C9: variants seen among roughly 807,000 people sequenced by gnomAD.
The protein encoded by C9 is complement C9.
In C9, 63 loss-of-function variants were observed where a neutral mutation model predicts 65.4. The ratio of observed to expected loss-of-function variants is 0.96; its 90% CI spans 0.79 to 1.19. The LOEUF is 1.19. Among genes scored for constraint, C9 ranks in the 50% most tolerant of loss-of-function variants. C9 has a pLI of 0.00. For missense variants in C9, 744 were observed against 670.1 expected (o/e 1.11, Z -1.22); for synonymous variants, 229 against 227.9 (o/e 1.00, Z -0.04).
intron 5 of C9, among the ~76,000 whole-genome samples, chr5:39,320,234 CTACATGAGAA>C (rs1753643055): frequency 6.6e-6 from 1 of 151,666 alleles, no homozygotes; most frequent in Non-Finnish European, 1.5e-5. Flanking sequence ...GCTCAGTGAG[CTACATGAGAA>C]TACAGACAGA....
chr5:39,297,011 C>A (rs1753196610), intron 9 of C9, among the ~76,000 whole-genome samples: 1 of 151,318 alleles, frequency 6.6e-6, no homozygotes, highest in Non-Finnish European at 1.5e-5. Context: ...TGGGAAAGAG[C>A]ATACTGAAAG....
chr5:39,344,400 T>C (rs1462867831), intron 1 of C9, among the ~76,000 whole-genome samples: 5 of 152,140 alleles, frequency 3.3e-5, no homozygotes, highest in Non-Finnish European at 7.3e-5. Flanking sequence ...GCTGATTCGA[T>C]CAACTGGAAG....
intron 5 of C9, among the ~76,000 whole-genome samples, chr5:39,319,484 C>T (rs1198500766): frequency 6.6e-6 from 1 of 152,130 alleles, no homozygotes; most frequent in East Asian, 1.9e-4. Flanking sequence ...ATTTTACTTG[C>T]AGACTAAGAC....
In C9 at chr5:39,311,094, G is replaced by A. The variant is rs1753473921; in HGVS notation, c.1111+43C>T. Reference sequence around the variant, plus strand: ...AGGTTGGTGAACAAAATAATGTTTGGTCAAAACAGTATTTGAAGTCAGAGC... The same window carrying A: ...AGGTTGGTGAACAAAATAATGTTTGATCAAAACAGTATTTGAAGTCAGAGC... On this transcript the variant is annotated intron_variant, in intron 7 of 10. Coordinates refer to ENST00000263408, the MANE Select transcript of C9 (RefSeq NM_001737.5). 6.2e-6 allele frequency: 10 copies of A among 1,604,340 alleles called. No homozygotes were observed. The East Asian group carries it at 2.2e-4, about 36-fold the overall frequency.
chr5:39,296,559 C>T (rs1753189228), intron 9 of C9, among the ~76,000 whole-genome samples: 1 of 151,456 alleles, frequency 6.6e-6, no homozygotes, highest in African/African-American at 2.4e-5. Flanking sequence ...AAACTATAAA[C>T]ACAATTATCA....
At chr5:39,362,050 A>G (rs1279991507) in intron 1 of C9, among the ~76,000 whole-genome samples, 1 of 152,188 alleles carries the variant, frequency 6.6e-6, no homozygotes, top group Non-Finnish European at 1.5e-5. Flanking sequence ...TCATAAGGAC[A>G]TTACATGTAT....
At chr5:39,335,839 G>T (rs113459014) in intron 4 of C9, among the ~76,000 whole-genome samples, 2,799 of 152,152 alleles carry the variant, frequency 0.018, 95 homozygotes, top group African/African-American at 0.062. Flanking sequence ...GGTTTTGAGG[G>T]GTGGGTAAAT....
chr5:39,341,733 C>A, intron 2 of C9, 33 bp from the exon 3 acceptor site: 3 of 1,609,516 alleles, frequency 1.9e-6, no homozygotes, highest in South Asian at 1.1e-5. Context: ...ATTAGAATTT[C>A]TAATGCCAAA....
chr5:39,289,565 C>T (rs915487332), intron 9 of C9, among the ~76,000 whole-genome samples: 23 of 151,664 alleles, frequency 1.5e-4, no homozygotes, highest in Admixed American at 4.6e-4. Context: ...TTAGTATATA[C>T]CTCAAGTAAC....
At chr5:39,339,651 C>CTTTTTT (rs550624256) in intron 4 of C9, among the ~76,000 whole-genome samples, 2 of 57,492 alleles carry the variant, frequency 3.5e-5, no homozygotes, top group Non-Finnish European at 6.1e-5. Flanking sequence ...TCTTTTCTCT[C>CTTTTTT]TTTTTTTTTT....
intron 5 of C9, among the ~76,000 whole-genome samples, chr5:39,321,892 A>G (rs1485788177): frequency 6.6e-6 from 1 of 152,106 alleles, no homozygotes; most frequent in Non-Finnish European, 1.5e-5. Flanking sequence ...ACAAACTGCA[A>G]TAAAATAGTA....
At chr5:39,289,816 A>G (rs1753056166) in intron 9 of C9, among the ~76,000 whole-genome samples, 1 of 151,868 alleles carries the variant, frequency 6.6e-6, no homozygotes, top group Admixed American at 6.6e-5. Context: ...TCCATTTCCC[A>G]GATGGAAGTG....
At position 39,359,060 on chromosome 5, in the gene C9, G is replaced by T. The variant is rs1484463239; in HGVS notation, c.77+5328C>A. On this transcript the variant is annotated intron_variant, in intron 1 of 10. Coordinates refer to ENST00000263408, the MANE Select transcript of C9 (RefSeq NM_001737.5). ...TATGTGTGTGTGTGTATATATATGT[G>T]TATATATATATGTGTGTGTATATAT... Among the ~76,000 whole-genome samples the T allele has an allele frequency of 2.9e-4, 39 of 134,076 alleles. 1 individual carries two copies. The highest frequency in any genetic ancestry group is 9.1e-4 in the African/African-American group (33 of 36,180). 88.0% of individuals were successfully genotyped at this position (134,076 alleles called of 152,430 possible). A position where few individuals can be genotyped will look rare whatever the true frequency, so the allele number is the denominator to read the frequency against.
intron 1 of C9, among the ~76,000 whole-genome samples, chr5:39,359,436 G>A (rs1375849594): frequency 2.6e-5 from 4 of 152,042 alleles, no homozygotes; most frequent in East Asian, 3.9e-4. Flanking sequence ...TGGGGATGTC[G>A]GCGTATAAGT....
rs533368560 is a variant in C9 at position 39,333,827 on chromosome 5, T to G, written c.477-2013A>C. Among the ~76,000 whole-genome samples, 11 of 152,250 alleles carry G rather than the reference T, an allele frequency of 7.2e-5. No individual in the cohort carries two copies. The East Asian group carries it at 1.9e-3, about 27-fold the overall frequency. ...CGGGGTTTCGCTGTGTTGGCCGGGC[T>G]GGTCTCCAGCTCCTAACCGCGAGTG... On this transcript the variant is annotated intron_variant, in intron 4 of 10. Transcript: ENST00000263408.
intron 9 of C9, among the ~76,000 whole-genome samples, chr5:39,296,385 A>AGAGCCATTGG (rs1753186876): frequency 6.6e-6 from 1 of 151,638 alleles, no homozygotes; most frequent in East Asian, 1.9e-4. Flanking sequence ...TTGCAAAAGA[A>AGAGCCATTGG]CACACATAAA....
At chr5:39,361,802 TA>T (rs1316762452) in intron 1 of C9, among the ~76,000 whole-genome samples, 2 of 151,730 alleles carry the variant, frequency 1.3e-5, no homozygotes, top group African/African-American at 4.8e-5. Flanking sequence ...TGTAAAAAAA[TA>T]AAAGAAAAAA....
intron 9 of C9, among the ~76,000 whole-genome samples, chr5:39,290,810 C>T (rs534775): frequency 0.98 from 149,522 of 151,834 alleles, 73,763 homozygotes; most frequent in Non-Finnish European, 1. Flanking sequence ...GGAAAAAACA[C>T]TGGAATTCAG....
At chr5:39,294,783 TATCCCCAATGA>T (rs1383620574) in intron 9 of C9, among the ~76,000 whole-genome samples, 2 of 151,764 alleles carry the variant, frequency 1.3e-5, no homozygotes, top group Admixed American at 1.3e-4. Context: ...CATAGACCAA[TATCCCCAATGA>T]ACATAGATGC....
Sources: gnomAD v4.1 joint callset for allele counts (sites outside exome capture counted in the v4.1 genomes callset) on GRCh38, gnomAD v4.1.1 for gene constraint, MANE v1.5 for transcripts, NCBI Gene and HGNC (gene_info 2026-07-23, HGNC 2026-07-21) for gene names.